The following KL variants were observed in gnomAD, a reference collection of about 807,000 sequenced individuals.
The protein encoded by KL is alpha-klotho.
KL carries 62 observed loss-of-function variants against 84.2 expected under a neutral mutation model. The ratio of observed to expected loss-of-function variants is 0.74; its 90% CI spans 0.60 to 0.91. The LOEUF is 0.91. Ranked by LOEUF, KL falls within the 40% of genes least tolerant of loss-of-function variation. The pLI is 0.00. For missense variants in KL, 1,261 were observed against 1,305.7 expected (o/e 0.97, Z 0.53); for synonymous variants, 528 against 528.0 (o/e 1.00, Z 0.00).
chr13:33,027,002 C>T (rs991938176), intron 1 of KL, among the ~76,000 whole-genome samples: 2 of 152,150 alleles, frequency 1.3e-5, no homozygotes, highest in African/African-American at 4.8e-5. Flanking sequence ...TCAGAGCCAC[C>T]CTAGCAGCAA....
chr13:33,055,478 C>G (rs1039946335), intron 3 of KL, 163 bp downstream of exon 3: 4 of 742,116 alleles, frequency 5.4e-6, no homozygotes, highest in Non-Finnish European at 9.3e-6. Context: ...CTGCACCCTT[C>G]TCTCCAAAAC....
intron 1 of KL, among the ~76,000 whole-genome samples, chr13:33,046,214 C>T (rs1359794553): frequency 8.5e-5 from 13 of 152,146 alleles, no homozygotes; most frequent in Admixed American, 2.0e-4. Flanking sequence ...TGAAAAGAGT[C>T]GTGTTAATTC....
At chr13:33,033,862 T>A (rs550068421) in intron 1 of KL, among the ~76,000 whole-genome samples, 1 of 152,128 alleles carries the variant, frequency 6.6e-6, no homozygotes, top group Non-Finnish European at 1.5e-5. Context: ...AGCTTCTGAA[T>A]AGAAGAACCA....
chr13:33,028,236 A>G (rs1016754146), intron 1 of KL, among the ~76,000 whole-genome samples: 2 of 152,240 alleles, frequency 1.3e-5, no homozygotes, highest in Non-Finnish European at 2.9e-5. Flanking sequence ...GCCTCAGTCA[A>G]CTGTGCTCCT....
chr13:33,052,071 C>T (rs1487260888), intron 1 of KL, among the ~76,000 whole-genome samples: 1 of 152,222 alleles, frequency 6.6e-6, no homozygotes, highest in Non-Finnish European at 1.5e-5. Context: ...ATCCTCCTGC[C>T]TCAGCCTTCC....
chr13:33,031,645 T>C (rs1333926664), intron 1 of KL, among the ~76,000 whole-genome samples: 1 of 152,146 alleles, frequency 6.6e-6, no homozygotes. Flanking sequence ...AAATGGGGCA[T>C]GTAAAAGAGC....
intron 1 of KL, among the ~76,000 whole-genome samples, chr13:33,052,418 G>C (rs1017008289): frequency 1.6e-4 from 24 of 152,278 alleles, no homozygotes; most frequent in African/African-American, 5.8e-4. Context: ...GACCACATAA[G>C]CAAGTGCCAC....
At chr13:33,051,497 C>T (rs1871748860) in intron 1 of KL, among the ~76,000 whole-genome samples, 1 of 152,206 alleles carries the variant, frequency 6.6e-6, no homozygotes, top group Non-Finnish European at 1.5e-5. Flanking sequence ...CATCACTTCA[C>T]TCCAGTCAGG....
intron 1 of KL, among the ~76,000 whole-genome samples, chr13:33,047,327 T>C (rs780498008): frequency 6.6e-6 from 1 of 151,354 alleles, no homozygotes; most frequent in African/African-American, 2.4e-5. Flanking sequence ...CAGAATGTAA[T>C]TGAAACTTAC....
At chr13:33,043,463 GC>G (rs1468007275) in intron 1 of KL, among the ~76,000 whole-genome samples, 1 of 151,904 alleles carries the variant, frequency 6.6e-6, no homozygotes, top group African/African-American at 2.4e-5. Context: ...CAAGTGATTC[GC>G]CCGCCTCAGC....
rs1416872200 is a variant in KL at position 33,063,870 on chromosome 13, A to T, written c.2723A>T (p.Asn908Ile). 1.9e-6 allele frequency: 3 copies of T among 1,614,108 alleles called. No homozygotes were observed. Among genetic ancestry groups the T allele is most frequent in the Non-Finnish European group, 2.5e-6 (3 of 1,180,024 alleles). The change falls in exon 5 of 5, where the codon AAT becomes ATT. Residue 908 changes from asparagine (N) to isoleucine (I), a missense_variant. Asn to Ile is a moderately radical substitution (Grantham distance 149). Coordinates refer to ENST00000380099, the MANE Select transcript of KL (RefSeq NM_004795.4). ...ALKAHILDGI[N>I]LCGYFAYSFN... ...CCAGCCCACATACTGGATGGTATCA[A>T]TCTTTGCGGATACTTTGCTTATTCG... is the stretch of plus-strand genomic sequence containing the variant.
intron 1 of KL, among the ~76,000 whole-genome samples, chr13:33,049,795 A>G (rs1375556891): frequency 1.3e-5 from 2 of 152,196 alleles, no homozygotes; most frequent in African/African-American, 4.8e-5. Context: ...TCCAACTGCT[A>G]TCAGCCATTT....
intron 3 of KL, among the ~76,000 whole-genome samples, chr13:33,057,598 C>T (rs747428813): frequency 6.6e-6 from 1 of 152,150 alleles, no homozygotes; most frequent in Non-Finnish European, 1.5e-5. Flanking sequence ...GGGACCCCAC[C>T]CCTCCTCCTG....
At chr13:33,026,807 G>A (rs1480551813) in intron 1 of KL, among the ~76,000 whole-genome samples, 1 of 152,142 alleles carries the variant, frequency 6.6e-6, no homozygotes, top group Admixed American at 6.5e-5. Context: ...TGCAGTGAAT[G>A]CTCTTTCTCC....
intron 1 of KL, among the ~76,000 whole-genome samples, chr13:33,019,543 T>C: frequency 6.6e-6 from 1 of 152,054 alleles, no homozygotes; most frequent in Non-Finnish European, 1.5e-5. Flanking sequence ...TCCCCTGGGA[T>C]GATGGGAAGC....
intron 1 of KL, among the ~76,000 whole-genome samples, chr13:33,037,978 C>T (rs1043380911): frequency 1.3e-5 from 2 of 152,176 alleles, no homozygotes; most frequent in Non-Finnish European, 2.9e-5. Context: ...CTCAGATTGC[C>T]CTGTTGTTTT....
chr13:33,041,763 G>A (rs984134029), intron 1 of KL, among the ~76,000 whole-genome samples: 19 of 152,062 alleles, frequency 1.2e-4, no homozygotes, highest in South Asian at 4.2e-4. Flanking sequence ...CCAATCCTCC[G>A]GGTTCTCTGC....
At chr13:33,028,993 C>T (rs563917015) in intron 1 of KL, among the ~76,000 whole-genome samples, 22 of 48,404 alleles carry the variant, frequency 4.5e-4, no homozygotes, top group African/African-American at 1.2e-3. Flanking sequence ...AAAGTGGTTG[C>T]CTCTAGAGAG....
intron 1 of KL, among the ~76,000 whole-genome samples, chr13:33,020,070 C>T (rs1011487450): frequency 1.3e-5 from 2 of 152,134 alleles, no homozygotes; most frequent in South Asian, 2.1e-4. Context: ...TTCCCATTTC[C>T]CACCTTCAAC....
Sources: gnomAD v4.1 joint callset for allele counts (sites outside exome capture counted in the v4.1 genomes callset) on GRCh38, gnomAD v4.1.1 for gene constraint, MANE v1.5 for transcripts, NCBI Gene and HGNC (gene_info 2026-07-23, HGNC 2026-07-21) for gene names.